The following UNC80 variants were observed in gnomAD, a reference collection of about 807,000 sequenced individuals.
UNC80 encodes the protein protein unc-80 homolog.
UNC80 carries 164 observed loss-of-function variants against 384.6 expected under a neutral mutation model. That is an observed-to-expected ratio of 0.43 (90% CI 0.38 to 0.49). The LOEUF (loss-of-function observed/expected upper bound fraction) is 0.49. UNC80 is among the 20% of genes least tolerant of loss of function. The pLI is 0.00. For missense variants in UNC80, 3,330 were observed against 4,143.0 expected (o/e 0.80, Z 5.39); for synonymous variants, 1,486 against 1,527.8 (o/e 0.97, Z 0.64).
intron 51 of UNC80, among the ~76,000 whole-genome samples, chr2:209,965,284 A>G (rs559323240): frequency 6.6e-6 from 1 of 152,202 alleles, no homozygotes; most frequent in East Asian, 1.9e-4. Flanking sequence ...AAAAACTACA[A>G]AAATTAGCCG....
intron 28 of UNC80, among the ~76,000 whole-genome samples, chr2:209,901,673 T>A (rs2124925762): frequency 6.6e-6 from 1 of 152,218 alleles, no homozygotes; most frequent in East Asian, 1.9e-4. Context: ...ACACCTGTAA[T>A]CCCAGCACTT....
intron 35 of UNC80, among the ~76,000 whole-genome samples, chr2:209,925,534 A>G (rs1476914267): frequency 6.6e-6 from 1 of 151,902 alleles, no homozygotes; most frequent in Non-Finnish European, 1.5e-5. Context: ...TTATTCCCTT[A>G]TTTTATTTTA....
chr2:209,789,454 T>C, intron 5 of UNC80, 78 bp from the exon 6 acceptor site: 1 of 972,658 alleles, frequency 1.0e-6, no homozygotes, highest in Non-Finnish European at 1.6e-6. Context: ...AGCTTTTCTA[T>C]TTGAAAATGA....
chr2:209,976,846 G>C lies in UNC80; in HGVS notation c.8773-67G>C. On this transcript the variant is annotated intron_variant, in intron 57 of 64. Coordinates refer to ENST00000673920, the MANE Select transcript of UNC80 (RefSeq NM_001371986.1). This position sits in a 1 kb window ranked among gnomAD's most constrained non-coding sequence, Gnocchi z 4.3. Reference sequence around the variant, plus strand: ...TTTATTCCTCACAACAATGAAATAGGTACAGCAATTAGCCCATTTTATGGA... The same window carrying C: ...TTTATTCCTCACAACAATGAAATAGCTACAGCAATTAGCCCATTTTATGGA... 2 of 1,438,498 alleles carry C rather than the reference G, an allele frequency of 1.4e-6. No homozygotes were observed. Among genetic ancestry groups the C allele is most frequent in the Non-Finnish European group, 1.9e-6 (2 of 1,072,648 alleles). The allele number at this position is 1,438,498 out of a possible 1,614,324, so 89.1% of individuals were successfully genotyped here.
rs2093016547 is a variant in UNC80, at chr2:209,976,471, G to A, written c.8772+168G>A. 6.6e-6 allele frequency among the ~76,000 whole-genome samples: 1 copy of A among 152,072 alleles called. No individual in the cohort carries two copies. On this transcript the variant is annotated intron_variant, in intron 57 of 64. Coordinates refer to ENST00000673920, the MANE Select transcript of UNC80 (RefSeq NM_001371986.1). The surrounding 1 kb of genome is among the most constrained non-coding windows in gnomAD (Gnocchi z 4.3). ...AACCGCCCAAAAATATATTCCAGAGGATAAAAATTTCACACTAGAAATGCC... is the reference window on the plus strand; with the variant it reads ...AACCGCCCAAAAATATATTCCAGAGAATAAAAATTTCACACTAGAAATGCC...
intron 52 of UNC80, chr2:209,967,881 A>C (rs180872597): frequency 1.5e-5 from 6 of 391,530 alleles, no homozygotes; most frequent in African/African-American, 4.1e-5. Context: ...CTTAGCTATC[A>C]TGCTCCTCAT....
chr2:209,909,568 A>G (rs2088668352), intron 29 of UNC80, among the ~76,000 whole-genome samples: 1 of 152,170 alleles, frequency 6.6e-6, no homozygotes. Context: ...CTGCACAGCA[A>G]CCATCACTAA....
In UNC80 at chr2:209,872,394, A is replaced by C. The variant is rs899825934; in HGVS notation, c.3628-364A>C. ...TCATGTAAAATTTAGGGTTCAAAAAAAGATTCATCTTTAAGACCTCACTAA... is the reference window on the plus strand; with the variant it reads ...TCATGTAAAATTTAGGGTTCAAAAACAGATTCATCTTTAAGACCTCACTAA... On this transcript the variant is annotated intron_variant, in intron 22 of 64. Transcript: ENST00000673920. The surrounding 1 kb of genome is among the most constrained non-coding windows in gnomAD (Gnocchi z 4.1). Among the ~76,000 whole-genome samples, 32 of 152,226 alleles carry C rather than the reference A, an allele frequency of 2.1e-4. No homozygotes were observed. The highest frequency in any genetic ancestry group is 7.5e-4 in the African/African-American group (31 of 41,450).
At chr2:209,888,067 A>C in intron 25 of UNC80, 28 bp from the exon 26 acceptor site, 1 of 1,550,958 alleles carries the variant, frequency 6.4e-7, no homozygotes, top group Non-Finnish European at 8.7e-7. Flanking sequence ...AGATGCCAGC[A>C]CTCATGTGCT....
At chr2:209,866,908 T>C (rs2083877981) in intron 22 of UNC80, among the ~76,000 whole-genome samples, 2 of 152,348 alleles carry the variant, frequency 1.3e-5, no homozygotes, top group East Asian at 1.9e-4. Context: ...GTTGTACTTT[T>C]TATTGACACA....
intron 15 of UNC80, among the ~76,000 whole-genome samples, chr2:209,831,004 C>G (rs1237100518): frequency 2.0e-5 from 3 of 152,150 alleles, no homozygotes; most frequent in Admixed American, 2.0e-4. Context: ...CCACTTTAGA[C>G]AGACTGAACA....
chr2:209,964,306 G>A (rs1256434175), intron 51 of UNC80, among the ~76,000 whole-genome samples: 2 of 152,090 alleles, frequency 1.3e-5, no homozygotes, highest in African/African-American at 2.4e-5. Flanking sequence ...ACCTCCTGGC[G>A]GAAGTACACA....
intron 5 of UNC80, among the ~76,000 whole-genome samples, chr2:209,788,584 A>G (rs1401270826): frequency 2.0e-5 from 3 of 147,674 alleles, no homozygotes; most frequent in African/African-American, 7.3e-5. Flanking sequence ...ATAAAATATA[A>G]AAAATATACA....
intron 34 of UNC80, 139 bp downstream of exon 34, chr2:209,921,825 A>G: frequency 9.1e-7 from 1 of 1,099,000 alleles, no homozygotes; most frequent in Non-Finnish European, 1.3e-6. Context: ...CGCTAACCAA[A>G]GAAAGAGAAA....
chr2:209,815,851 A>G (rs539903621), intron 9 of UNC80, among the ~76,000 whole-genome samples: 2 of 152,186 alleles, frequency 1.3e-5, no homozygotes, highest in African/African-American at 2.4e-5. Context: ...TCCAAACTCA[A>G]AAGTAGGTCT....
At chr2:209,941,177 T>C (rs1265587381) in intron 43 of UNC80, 44 bp from the exon 44 acceptor site, 5 of 1,462,900 alleles carry the variant, frequency 3.4e-6, no homozygotes, top group East Asian at 2.5e-5. Context: ...CTGACAGGAT[T>C]GGTGTGGGGC....
chr2:209,919,426 C>T (rs375479943), intron 33 of UNC80, among the ~76,000 whole-genome samples: 66 of 152,178 alleles, frequency 4.3e-4, no homozygotes, highest in African/African-American at 1.3e-3. Flanking sequence ...AGGTTTTTGA[C>T]GCATCTCACA....
chr2:209,954,070 GT>G, intron 47 of UNC80, 29 bp from the exon 48 acceptor site: 1 of 1,534,056 alleles, frequency 6.5e-7, no homozygotes, highest in Non-Finnish European at 8.8e-7. Flanking sequence ...AATGTAAAAG[GT>G]GACTCGGTTT....
chr2:209,915,207 A>G (rs896656374), intron 31 of UNC80, among the ~76,000 whole-genome samples: 4 of 152,156 alleles, frequency 2.6e-5, no homozygotes, highest in African/African-American at 9.6e-5. Context: ...GATCAAGACC[A>G]TCCTGGCTAA....
Sources: gnomAD v4.1 joint callset for allele counts (sites outside exome capture counted in the v4.1 genomes callset) on GRCh38, gnomAD v4.1.1 for gene constraint, Gnocchi (gnomAD v3.1) non-coding constraint, MANE v1.5 for transcripts, NCBI Gene and HGNC (gene_info 2026-07-23, HGNC 2026-07-21) for gene names.